The following EVL variants were observed in gnomAD, a reference collection of about 807,000 sequenced individuals.
EVL encodes ena/VASP-like protein.
EVL carries 21 observed loss-of-function variants against 59.6 expected under a neutral mutation model. That is an observed-to-expected ratio of 0.35 (90% CI 0.25 to 0.51). The LOEUF (loss-of-function observed/expected upper bound fraction) is 0.51. Ranked by LOEUF, EVL falls within the 20% of genes least tolerant of loss-of-function variation. EVL has a pLI of 0.97. For missense variants in EVL, 462 were observed against 546.6 expected (o/e 0.85, Z 1.54); for synonymous variants, 198 against 203.5 (o/e 0.97, Z 0.23).
At chr14:100,116,099 A>G (rs946183541) in intron 3 of EVL, among the ~76,000 whole-genome samples, 31 of 152,126 alleles carry the variant, frequency 2.0e-4, no homozygotes, top group Admixed American at 1.3e-4. Flanking sequence ...CAGTTCACAG[A>G]CTCCATTCTC....
At chr14:100,088,569 A>G (rs191506382) in intron 2 of EVL, among the ~76,000 whole-genome samples, 1 of 152,360 alleles carries the variant, frequency 6.6e-6, no homozygotes, top group African/African-American at 2.4e-5. Flanking sequence ...GGCAGTTGTA[A>G]CACAGTGGTA....
rs150186300 is a variant in EVL, at chr14:100,137,773, G to A, written c.1065G>A (p.Lys355=). 1.6e-5 allele frequency: 26 copies of A among 1,614,126 alleles called. No homozygotes were observed. The African/African-American group carries it at 3.3e-4, about 21-fold the overall frequency. The change falls in exon 11 of 14, where the codon AAG becomes AAA. Residue 355 remains lysine, a synonymous_variant. Transcript: ENST00000392920. Reference sequence around the variant, plus strand: ...CTGTGGCAAAGAGCCCCGAAGCTAAGAGCCCCCTTCAGTCGCAGCCTCACT... The same window carrying A: ...CTGTGGCAAAGAGCCCCGAAGCTAAAAGCCCCCTTCAGTCGCAGCCTCACT... ...TPSVAKSPEA[K]SPLQSQPHSR...
chr14:100,135,616 G>C, intron 8 of EVL: 1 of 363,038 alleles, frequency 2.8e-6, no homozygotes, highest in South Asian at 3.1e-5. Flanking sequence ...CCCAAGGGGG[G>C]CTCAGGGCTT....
chr14:100,023,371 ATTTTT>A (rs1010647617), intron 1 of EVL, among the ~76,000 whole-genome samples: 1 of 90,772 alleles, frequency 1.1e-5, no homozygotes, highest in African/African-American at 4.9e-5. Flanking sequence ...AGCCCGGCTA[ATTTTT>A]TTTTTTTTTT....
At chr14:100,090,631 G>T (rs915726367) in intron 2 of EVL, among the ~76,000 whole-genome samples, 3 of 152,194 alleles carry the variant, frequency 2.0e-5, no homozygotes, top group Non-Finnish European at 2.9e-5. Flanking sequence ...TTCCAGGAAT[G>T]CAAGATTGAT....
chr14:100,032,111 A>AT (rs1212774557), intron 1 of EVL, among the ~76,000 whole-genome samples: 1 of 152,338 alleles, frequency 6.6e-6, no homozygotes, highest in East Asian at 1.9e-4. Context: ...GGTTGGATGT[A>AT]TTTTTATGAG....
chr14:99,993,091 T>C (rs2060886306), intron 1 of EVL, among the ~76,000 whole-genome samples: 1 of 147,598 alleles, frequency 6.8e-6, no homozygotes, highest in Non-Finnish European at 1.5e-5. Context: ...GGAGTCTTGC[T>C]CTATCACCCA....
At chr14:100,031,425 A>G (rs766803274) in intron 1 of EVL, among the ~76,000 whole-genome samples, 5 of 152,248 alleles carry the variant, frequency 3.3e-5, no homozygotes, top group Admixed American at 1.3e-4. Context: ...ATTTGCAGAG[A>G]TGTTCAGAGA....
At position 100,114,871 on chromosome 14, in the gene EVL, TGCGGAAGCGGCAGG is replaced by T. The variant is rs1280222054; in HGVS notation, c.359-8666_359-8653del. Among the ~76,000 whole-genome samples the T allele has an allele frequency of 6.6e-6, 1 of 151,692 alleles. No individual in the cohort carries two copies. The highest frequency in any genetic ancestry group is 2.4e-5 in the African/African-American group (1 of 41,380). The stretch of plus-strand genomic sequence containing the variant: ...ATTACAGGGTTTGCAATGACATCCT[TGCGGAAGCGGCAGG>T]GTGGAAGCAGCAGCTGGGTACTGGG... On this transcript the variant is annotated intron_variant, in intron 3 of 13. Coordinates refer to ENST00000392920, the MANE Select transcript of EVL (RefSeq NM_016337.3). The surrounding 1 kb of genome is among the most constrained non-coding windows in gnomAD (Gnocchi z 5.0).
chr14:100,095,036 G>A (rs760686232), intron 2 of EVL, among the ~76,000 whole-genome samples: 3 of 152,032 alleles, frequency 2.0e-5, no homozygotes, highest in Non-Finnish European at 4.4e-5. Context: ...GCGAGACTCC[G>A]TCTAAAAAAA....
At chr14:99,979,812 T>A (rs1051310083) in intron 1 of EVL, among the ~76,000 whole-genome samples, 5 of 152,202 alleles carry the variant, frequency 3.3e-5, no homozygotes, top group African/African-American at 1.2e-4. Flanking sequence ...GAGCTTGCAG[T>A]GAGCCAAGAT....
At chr14:100,064,547 TAA>T (rs2061892436), upstream of EVL, among the ~76,000 whole-genome samples, 2 of 152,364 alleles carry the variant, frequency 1.3e-5, no homozygotes, top group South Asian at 4.1e-4. Context: ...ATTGCTGACT[TAA>T]ATGTCATCAT....
intron 1 of EVL, among the ~76,000 whole-genome samples, chr14:99,975,713 A>C (rs1489266993): frequency 6.6e-6 from 1 of 152,220 alleles, no homozygotes; most frequent in East Asian, 1.9e-4. Context: ...GACAGGAGGC[A>C]GACTGCAGGC....
rs191217542 is a variant in EVL, at chr14:100,090,187, A to C, written c.180+5332A>C. 3.5e-3 allele frequency among the ~76,000 whole-genome samples: 528 copies of C among 152,326 alleles called. 6 individuals carry two copies. The highest frequency in any genetic ancestry group is 0.012 in the African/African-American group (509 of 41,578). ...GAATGAGAAAGTTGGTTCTTTGAAA[A>C]AAAATTAAATTAATAAACCTTTATT... On this transcript the variant is annotated intron_variant, in intron 2 of 13. Transcript: ENST00000392920.
Position 100,033,145 on chromosome 14 carries a change from GGTAGATTTTCAAAGCT to G in EVL, c.6-51537_6-51522del, listed in dbSNP as rs1190060676. ...GCCGGAAAGACTAAAAGGGCCGAAT[GGTAGATTTTCAAAGCT>G]GTAGGGATTGACAAAAGGGTTTGAG... is the stretch of plus-strand genomic sequence containing the variant. On this transcript the variant is annotated intron_variant, in intron 1 of 13. Coordinates refer to the EVL transcript ENST00000402714. Among the ~76,000 whole-genome samples the G allele has an allele frequency of 6.6e-5, 10 of 152,186 alleles. No homozygotes were observed. In the East Asian group the frequency reaches 9.7e-4, roughly 15 times the overall value.
chr14:100,105,371 A>C lies in EVL; in HGVS notation c.358+7713A>C, dbSNP rs554016524. Among the ~76,000 whole-genome samples the C allele has an allele frequency of 1.1e-3, 162 of 152,174 alleles. 1 individual carries two copies. The highest frequency in any genetic ancestry group is 3.4e-3 in the Middle Eastern group (1 of 294). ...ACCCCAATTCTAGCCTTCCAGACTG[A>C]GACTCAGGAGGCCTGGCTCTTGCCC... On this transcript the variant is annotated intron_variant, in intron 3 of 13. Transcript: ENST00000392920.
At chr14:100,035,516 G>A (rs965010324) in intron 1 of EVL, among the ~76,000 whole-genome samples, 2 of 151,810 alleles carry the variant, frequency 1.3e-5, no homozygotes, top group Admixed American at 6.6e-5. Flanking sequence ...ATGTGCTGCC[G>A]TTTTGCATAC....
chr14:100,059,308 A>G (rs140855137), intron 1 of EVL, among the ~76,000 whole-genome samples: 65 of 152,368 alleles, frequency 4.3e-4, no homozygotes, highest in African/African-American at 1.3e-3. Context: ...TGCAGTCACT[A>G]TCTAGTCTTG....
At chr14:100,005,426 C>T (rs2060972074) in intron 1 of EVL, among the ~76,000 whole-genome samples, 1 of 152,080 alleles carries the variant, frequency 6.6e-6, no homozygotes, top group Non-Finnish European at 1.5e-5. Flanking sequence ...AGTTTTGTAA[C>T]CCCTATGCCA....
Sources: allele counts gnomAD v4.1 joint callset (sites outside exome capture counted in the v4.1 genomes callset), GRCh38; gene constraint gnomAD v4.1.1; non-coding constraint Gnocchi (gnomAD v3.1); transcripts MANE v1.5; gene names NCBI Gene and HGNC (gene_info 2026-07-23, HGNC 2026-07-21).